The following RANBP2 variants were observed in gnomAD, a reference collection of about 807,000 sequenced individuals.
RANBP2 encodes the protein E3 SUMO-protein ligase RanBP2.
RANBP2 carries 57 observed loss-of-function variants against 303.6 expected under a neutral mutation model. The ratio of observed to expected loss-of-function variants is 0.19; its 90% CI spans 0.15 to 0.23. The LOEUF is 0.23. Ranked by LOEUF, RANBP2 falls within the 10% of genes least tolerant of loss-of-function variation. The pLI is 1.00. For synonymous variants in RANBP2, 1,167 were observed against 1,301.5 expected, an observed-to-expected ratio of 0.90 and a Z score of 2.23; for missense variants, 3,138 against 3,780.8, an observed-to-expected ratio of 0.83 and a Z score of 4.46.
the RANBP2 span, chr2:109,432,671 G>A: frequency 6.2e-7 from 1 of 1,610,628 alleles, no homozygotes; most frequent in Non-Finnish European, 8.5e-7. Context: ...CCCGTTTCCA[G>A]GTGAGGGCAT....
chr2:109,514,166 T>C, the RANBP2 span, among the ~76,000 whole-genome samples: 1 of 152,202 alleles, frequency 6.6e-6, no homozygotes, highest in African/African-American at 2.4e-5. Flanking sequence ...AAACTCAGCA[T>C]CAAGCTAGCC....
the RANBP2 span, among the ~76,000 whole-genome samples, chr2:109,160,274 A>G: frequency 6.6e-6 from 1 of 152,222 alleles, no homozygotes; most frequent in Non-Finnish European, 1.5e-5. Context: ...ACAGACAGGC[A>G]TGAGGTTGCT....
the RANBP2 span, among the ~76,000 whole-genome samples, chr2:109,039,325 A>C: frequency 6.6e-6 from 1 of 152,096 alleles, no homozygotes; most frequent in South Asian, 2.1e-4. Context: ...CTGTTTCTCC[A>C]GCAAGCCCTA....
chr2:108,735,233 T>G (rs1225787679), intron 4 of RANBP2, among the ~76,000 whole-genome samples: 1 of 151,960 alleles, frequency 6.6e-6, no homozygotes, highest in Non-Finnish European at 1.5e-5. Flanking sequence ...ACTGGGGAGG[T>G]CTAGGCTTCT....
At chr2:109,723,615 GT>G in the RANBP2 span, among the ~76,000 whole-genome samples, 2 of 151,724 alleles carry the variant, frequency 1.3e-5, no homozygotes, top group Admixed American at 6.6e-5. Context: ...TTTTAATGGG[GT>G]TTTTTTTCCT....
chr2:109,770,120 C>T, the RANBP2 span, among the ~76,000 whole-genome samples: 2 of 102,802 alleles, frequency 1.9e-5, 1 homozygote, highest in Non-Finnish European at 3.7e-5. Context: ...TCCCAAGAAG[C>T]GACATTCAGG....
At chr2:108,952,409 A>G in the RANBP2 span, among the ~76,000 whole-genome samples, 1 of 152,222 alleles carries the variant, frequency 6.6e-6, no homozygotes, top group East Asian at 1.9e-4. Flanking sequence ...GACATGATGA[A>G]ATTTTTAAAA....
the RANBP2 span, among the ~76,000 whole-genome samples, chr2:109,058,090 C>G: frequency 6.6e-6 from 1 of 152,198 alleles, no homozygotes; most frequent in Non-Finnish European, 1.5e-5. Context: ...TGTGTGCTGG[C>G]AGTGGAAGCC....
At chr2:108,805,216 GACAA>G in the RANBP2 span, among the ~76,000 whole-genome samples, 14 of 152,046 alleles carry the variant, frequency 9.2e-5, no homozygotes, top group East Asian at 7.7e-4. Context: ...GCAACCAACT[GACAA>G]ACAAAAGAAA....
At chr2:109,329,478 C>G in the RANBP2 span, among the ~76,000 whole-genome samples, 2 of 152,176 alleles carry the variant, frequency 1.3e-5, no homozygotes, top group Non-Finnish European at 2.9e-5. Flanking sequence ...ATGGCTGGAG[C>G]GGTGTCTTTC....
At chr2:109,014,448 AG>A in the RANBP2 span, among the ~76,000 whole-genome samples, 1 of 152,214 alleles carries the variant, frequency 6.6e-6, no homozygotes, top group African/African-American at 2.4e-5. Flanking sequence ...CTGTTGAGCA[AG>A]GGGGAAGACA....
chr2:109,574,235 T>C, the RANBP2 span, among the ~76,000 whole-genome samples: 1 of 151,654 alleles, frequency 6.6e-6, no homozygotes, highest in African/African-American at 2.4e-5. Flanking sequence ...GTCCAGGAGT[T>C]TGAGACCAAC....
the RANBP2 span, chr2:109,614,714 G>C: frequency 1.3e-5 from 20 of 1,489,018 alleles, no homozygotes; most frequent in Non-Finnish European, 1.7e-5. Context: ...ACGGCGCCAA[G>C]TACGTGCACC....
chr2:109,632,825 A>AAAAAAC, the RANBP2 span, among the ~76,000 whole-genome samples: 2 of 151,668 alleles, frequency 1.3e-5, no homozygotes, highest in Admixed American at 6.6e-5. Flanking sequence ...TCTCAAAAAA[A>AAAAAAC]AAAACAAAAC....
At chr2:109,093,804 T>C in the RANBP2 span, among the ~76,000 whole-genome samples, 1 of 152,234 alleles carries the variant, frequency 6.6e-6, no homozygotes, top group South Asian at 2.1e-4. Context: ...CTTGCCACTC[T>C]TGATGCCCAT....
the RANBP2 span, among the ~76,000 whole-genome samples, chr2:108,937,698 TGTGA>T: frequency 6.7e-6 from 1 of 149,478 alleles, no homozygotes; most frequent in African/African-American, 2.6e-5. Flanking sequence ...TGTGTATGTG[TGTGA>T]GTGTATGTGT....
At chr2:109,619,352 G>T in the RANBP2 span, among the ~76,000 whole-genome samples, 16 of 151,872 alleles carry the variant, frequency 1.1e-4, no homozygotes, top group African/African-American at 3.6e-4. Context: ...AAAGCTGTAT[G>T]GGTTTTGCAC....
the RANBP2 span, among the ~76,000 whole-genome samples, chr2:109,393,780 G>A: frequency 6.6e-6 from 1 of 151,898 alleles, no homozygotes; most frequent in East Asian, 1.9e-4. Context: ...ACTTTGCGCT[G>A]TTTTTCTTTT....
chr2:109,594,492 G>A, the RANBP2 span, among the ~76,000 whole-genome samples: 1 of 151,974 alleles, frequency 6.6e-6, no homozygotes, highest in African/African-American at 2.4e-5. Context: ...AATCTCTCCT[G>A]GAGACTGTTT....
Sources: gnomAD v4.1 joint callset for allele counts (sites outside exome capture counted in the v4.1 genomes callset) on GRCh38, gnomAD v4.1.1 for gene constraint, MANE v1.5 for transcripts, NCBI Gene and HGNC (gene_info 2026-07-23, HGNC 2026-07-21) for gene names.